The following RYR2 variants were observed in gnomAD, a reference collection of about 807,000 sequenced individuals.
RYR2 encodes the protein cardiac muscle ryanodine receptor-calcium release channel.
RYR2 carries 227 observed loss-of-function variants against 601.1 expected under a neutral mutation model. The observed-to-expected ratio is 0.38, with a 90% CI of 0.34 to 0.42. The LOEUF is 0.42. Among genes scored for constraint, RYR2 ranks in the 10% least tolerant of loss-of-function variants. The pLI, the probability that RYR2 is intolerant of heterozygous loss-of-function variation, is 1.00. For synonymous variants in RYR2, 2,223 were observed against 2,175.1 expected (o/e 1.02, Z -0.61); for missense variants, 4,646 against 6,156.5 (o/e 0.75, Z 8.21).
At chr1:237,311,356 G>A (rs994541271) in intron 2 of RYR2, among the ~76,000 whole-genome samples, 51 of 152,098 alleles carry the variant, frequency 3.4e-4, no homozygotes, top group Non-Finnish European at 1.9e-4. Flanking sequence ...ATCTTATGGG[G>A]TCTATTGTGC....
chr1:237,050,212 AC>A (rs1055835316), intron 1 of RYR2, among the ~76,000 whole-genome samples: 1 of 152,216 alleles, frequency 6.6e-6, no homozygotes, highest in African/African-American at 2.4e-5. Context: ...CCACCCACCA[AC>A]CGATGATGAG....
At chr1:237,485,104 T>C (rs982919322) in intron 17 of RYR2, among the ~76,000 whole-genome samples, 1 of 152,172 alleles carries the variant, frequency 6.6e-6, no homozygotes, top group Non-Finnish European at 1.5e-5. Context: ...GATAAGGAAA[T>C]CCTAGCACTA....
chr1:237,213,691 G>A (rs979447497), intron 1 of RYR2, among the ~76,000 whole-genome samples: 3 of 151,920 alleles, frequency 2.0e-5, no homozygotes, highest in East Asian at 3.9e-4. Context: ...TACTTTCCAC[G>A]AGGTTTATAG....
chr1:237,434,445 A>G (rs1707144266), intron 12 of RYR2, among the ~76,000 whole-genome samples: 1 of 152,236 alleles, frequency 6.6e-6, no homozygotes, highest in South Asian at 2.1e-4. Flanking sequence ...TTACATAACG[A>G]AGAATGCTAT....
At chr1:237,720,398 A>G (rs1334741674) in intron 73 of RYR2, among the ~76,000 whole-genome samples, 1 of 152,250 alleles carries the variant, frequency 6.6e-6, no homozygotes. Context: ...TTCACAATGC[A>G]CAAGTATTCA....
chr1:237,294,493 A>T (rs1692552883), intron 2 of RYR2, among the ~76,000 whole-genome samples: 2 of 152,228 alleles, frequency 1.3e-5, no homozygotes, highest in African/African-American at 4.8e-5. Flanking sequence ...GCTTTAATTC[A>T]TGTACATCAT....
intron 15 of RYR2, among the ~76,000 whole-genome samples, chr1:237,455,460 A>G (rs1383608791): frequency 6.6e-6 from 1 of 152,128 alleles, no homozygotes. Context: ...GAAACTACCT[A>G]TCAGGTATTC....
At chr1:237,703,105 T>C (rs571856715) in intron 66 of RYR2, among the ~76,000 whole-genome samples, 31 of 152,136 alleles carry the variant, frequency 2.0e-4, no homozygotes, top group African/African-American at 7.5e-4. Context: ...TTCCATTGTA[T>C]TTTTATGCTT....
chr1:237,646,494 T>A (rs952756563), intron 48 of RYR2, among the ~76,000 whole-genome samples: 4 of 152,190 alleles, frequency 2.6e-5, no homozygotes, highest in Non-Finnish European at 5.9e-5. Flanking sequence ...TCCTTTTCAA[T>A]GACAACTCAA....
chr1:237,725,604 C>G (rs1690127834), intron 74 of RYR2, among the ~76,000 whole-genome samples: 1 of 152,092 alleles, frequency 6.6e-6, no homozygotes, highest in Non-Finnish European at 1.5e-5. Context: ...ATCAGCACAT[C>G]AAGACATTCA....
intron 1 of RYR2, among the ~76,000 whole-genome samples, chr1:237,196,116 C>T (rs1572167515): frequency 6.6e-6 from 1 of 152,130 alleles, no homozygotes; most frequent in Non-Finnish European, 1.5e-5. Flanking sequence ...TTAATGGCAG[C>T]TTAAGAAACA....
intron 63 of RYR2, among the ~76,000 whole-genome samples, chr1:237,694,111 G>A (rs1687194211): frequency 1.3e-5 from 2 of 151,886 alleles, no homozygotes; most frequent in South Asian, 2.1e-4. Flanking sequence ...TGGCTAACAA[G>A]GTGAAACCCC....
intron 1 of RYR2, among the ~76,000 whole-genome samples, chr1:237,244,705 C>T (rs1686605021): frequency 6.6e-6 from 1 of 152,102 alleles, no homozygotes; most frequent in Non-Finnish European, 1.5e-5. Context: ...CTCTTTCTTT[C>T]TCTTTCTTTT....
chr1:237,635,269 C>A (rs74147177), intron 44 of RYR2, among the ~76,000 whole-genome samples: 296 of 152,156 alleles, frequency 1.9e-3, no homozygotes, highest in African/African-American at 7.0e-3. Flanking sequence ...TTATGAAGAA[C>A]AATACATTTG....
At chr1:237,291,049 G>A (rs1324667435) in intron 2 of RYR2, among the ~76,000 whole-genome samples, 2 of 152,100 alleles carry the variant, frequency 1.3e-5, no homozygotes, top group African/African-American at 2.4e-5. Context: ...AGCGTAAATT[G>A]ATACTGCCTC....
chr1:237,203,024 T>C (rs1681378740), intron 1 of RYR2, among the ~76,000 whole-genome samples: 1 of 152,180 alleles, frequency 6.6e-6, no homozygotes. Context: ...GGCCCAGACA[T>C]GCTGTGGCCC....
At chr1:237,647,761 A>C (rs2148785641) in intron 48 of RYR2, among the ~76,000 whole-genome samples, 1 of 152,328 alleles carries the variant, frequency 6.6e-6, no homozygotes. Flanking sequence ...GAAGTAAATA[A>C]ATTCTTCAGT....
At chr1:237,369,724 G>C in intron 6 of RYR2, 116 bp downstream of exon 6, 2 of 806,438 alleles carry the variant, frequency 2.5e-6, no homozygotes, top group Non-Finnish European at 4.0e-6. Context: ...TTGGATGTTT[G>C]TGTTCTTTCA....
chr1:237,803,442 A>C (rs1014890002), intron 98 of RYR2, among the ~76,000 whole-genome samples: 6 of 152,062 alleles, frequency 3.9e-5, no homozygotes, highest in Non-Finnish European at 8.8e-5. Flanking sequence ...CTGGGACTAC[A>C]GGCGCCCGCC....
Sources: gnomAD v4.1 joint callset for allele counts (sites outside exome capture counted in the v4.1 genomes callset) on GRCh38, gnomAD v4.1.1 for gene constraint, MANE v1.5 for transcripts, NCBI Gene and HGNC (gene_info 2026-07-23, HGNC 2026-07-21) for gene names.